The following ATRNL1 variants were observed in gnomAD, a reference collection of about 807,000 sequenced individuals.
ATRNL1 encodes attractin-like protein 1.
ATRNL1 carries 95 observed loss-of-function variants against 182.7 expected under a neutral mutation model. The observed-to-expected ratio is 0.52, with a 90% CI of 0.44 to 0.62. ATRNL1 has a LOEUF of 0.62. Among genes scored for constraint, ATRNL1 ranks in the 20% least tolerant of loss-of-function variants. The pLI, the probability that ATRNL1 is intolerant of heterozygous loss-of-function variation, is 0.00. For missense variants in ATRNL1, 1,471 were observed against 1,679.5 expected (o/e 0.88, Z 2.17); for synonymous variants, 576 against 568.3 (o/e 1.01, Z -0.19).
chr10:115,259,358 G>A (rs1210095326), intron 10 of ATRNL1, among the ~76,000 whole-genome samples: 3 of 151,296 alleles, frequency 2.0e-5, no homozygotes, highest in East Asian at 1.9e-4. Context: ...CCGCTGCCTC[G>A]CAGTTCAATC....
intron 10 of ATRNL1, among the ~76,000 whole-genome samples, chr10:115,247,433 A>C (rs1554904344): frequency 6.6e-6 from 1 of 152,250 alleles, no homozygotes; most frequent in East Asian, 1.9e-4. Flanking sequence ...CAACATGTTC[A>C]ACATCAGTAT....
chr10:115,764,771 C>A (rs1462936293), intron 27 of ATRNL1, among the ~76,000 whole-genome samples: 1 of 152,122 alleles, frequency 6.6e-6, no homozygotes, highest in Non-Finnish European at 1.5e-5. Flanking sequence ...CTCCCACATT[C>A]AAGCAATTCT....
intron 26 of ATRNL1, among the ~76,000 whole-genome samples, chr10:115,657,435 C>G (rs12766984): frequency 0.17 from 26,370 of 152,148 alleles, 2,892 homozygotes; most frequent in East Asian, 0.26. Context: ...GAAGGGAAGT[C>G]TTCTCTTAAA....
intron 10 of ATRNL1, among the ~76,000 whole-genome samples, chr10:115,257,597 G>A (rs1197687437): frequency 6.6e-6 from 1 of 152,108 alleles, no homozygotes; most frequent in African/African-American, 2.4e-5. Context: ...GGGGCATTTA[G>A]CCCATTTCCA....
At chr10:115,282,966 C>T (rs951574288) in intron 14 of ATRNL1, among the ~76,000 whole-genome samples, 7 of 152,000 alleles carry the variant, frequency 4.6e-5, no homozygotes, top group African/African-American at 1.7e-4. Context: ...TGCTATCCCT[C>T]CCCTAGCCCC....
chr10:115,332,826 T>C (rs1554935459), intron 18 of ATRNL1, among the ~76,000 whole-genome samples: 2 of 147,468 alleles, frequency 1.4e-5, no homozygotes, highest in Non-Finnish European at 2.9e-5. Flanking sequence ...TAATATCTGT[T>C]TTTTTTTTAC....
intron 26 of ATRNL1, among the ~76,000 whole-genome samples, chr10:115,663,611 C>T (rs562553570): frequency 4.2e-4 from 63 of 151,790 alleles, no homozygotes; most frequent in African/African-American, 1.4e-3. Context: ...GTATAATATA[C>T]GAAAAGTGTG....
intron 28 of ATRNL1, among the ~76,000 whole-genome samples, chr10:115,891,623 G>A (rs1007991653): frequency 2.6e-5 from 4 of 151,900 alleles, no homozygotes; most frequent in Middle Eastern, 3.2e-3. Flanking sequence ...ATTTTTCAAC[G>A]TCTTCTGTTT....
chr10:115,718,911 T>C (rs1947335420), intron 26 of ATRNL1, among the ~76,000 whole-genome samples: 1 of 152,154 alleles, frequency 6.6e-6, no homozygotes, highest in Admixed American at 6.5e-5. Flanking sequence ...TTTGCTGGCA[T>C]GGAGAAGCTT....
chr10:115,491,000 G>C (rs1040034115), intron 24 of ATRNL1, among the ~76,000 whole-genome samples: 6 of 152,070 alleles, frequency 3.9e-5, no homozygotes, highest in Admixed American at 3.9e-4. Flanking sequence ...TCTGCTGCAG[G>C]TCTCCTGGAA....
chr10:115,129,460 A>G lies in ATRNL1; in HGVS notation c.754A>G (p.Asn252Asp). 6.2e-7 allele frequency: 1 copy of G among 1,614,168 alleles called. No individual in the cohort carries two copies. The highest frequency in any genetic ancestry group is 1.1e-5 in the South Asian group (1 of 91,088). Residue 252 changes from asparagine to aspartate, a missense_variant, in exon 5 of 29, where the codon AAT (asparagine) becomes GAT (aspartate). Physicochemically the swap from Asn to Asp is conservative, Grantham distance 23. Around this residue, in one of 3 missense-constraint regions of ATRNL1, gnomAD observed 1,031 missense variants for 1,156.0 expected, o/e 0.89. Coordinates refer to ENST00000355044, the MANE Select transcript of ATRNL1 (RefSeq NM_207303.4). ...TTGTGATATTCCTTACTGTAAAGCC[A>G]ATTGCGGCAGTCCAGATCACGGTTA... Reference protein sequence around the residue: ...EACDIPYCKANCGSPDHGYCD... With the variant: ...EACDIPYCKADCGSPDHGYCD...
At chr10:115,933,129 G>A (rs1360247199) in intron 28 of ATRNL1, among the ~76,000 whole-genome samples, 1 of 152,192 alleles carries the variant, frequency 6.6e-6, no homozygotes, top group African/African-American at 2.4e-5. Flanking sequence ...CTTATGGTGG[G>A]ACTTCCAATT....
At chr10:115,795,549 A>C (rs1949632333) in intron 27 of ATRNL1, among the ~76,000 whole-genome samples, 1 of 152,148 alleles carries the variant, frequency 6.6e-6, no homozygotes, top group Non-Finnish European at 1.5e-5. Context: ...TATAAAGAAA[A>C]GAAGTTTAAT....
At chr10:115,886,373 G>T (rs1235033671) in intron 28 of ATRNL1, among the ~76,000 whole-genome samples, 1 of 152,168 alleles carries the variant, frequency 6.6e-6, no homozygotes, top group East Asian at 1.9e-4. Context: ...AATTAGCCGG[G>T]TGTGGTGGCG....
chr10:115,549,430 C>A, intron 25 of ATRNL1, 28 bp from the exon 26 acceptor site: 1 of 1,556,956 alleles, frequency 6.4e-7, no homozygotes, highest in Non-Finnish European at 8.7e-7. Flanking sequence ...AAGTTTTGAG[C>A]AAAAATTATT....
At chr10:115,327,297 A>G (rs1341363152) in intron 18 of ATRNL1, among the ~76,000 whole-genome samples, 5 of 150,654 alleles carry the variant, frequency 3.3e-5, no homozygotes, top group Admixed American at 2.0e-4. Context: ...ACACTTCTCA[A>G]AAGAAGACAT....
In ATRNL1 at chr10:115,302,035, C is replaced by T. The variant is rs112532829; in HGVS notation, c.2810C>T (p.Thr937Ile). 16 of 1,611,750 alleles carry T rather than the reference C, an allele frequency of 9.9e-6. No individual in the cohort carries two copies. The African/African-American group carries it at 1.7e-4, about 18-fold the overall frequency. ...CAATGTCTAGAGTGGCAAACTGCCA[C>T]CTGCTCCCGTAAGTATTTATCTAGA... ...YGQCLEWQTA[T>I]CSPQNCSGLR... The change falls in exon 17 of 29, where the codon ACC becomes ATC. Residue 937 changes from threonine (T) to isoleucine (I), a missense_variant. Thr to Ile is a moderately conservative substitution (Grantham distance 89). Around this residue, in one of 3 missense-constraint regions of ATRNL1, gnomAD observed 1,031 missense variants for 1,156.0 expected, o/e 0.89. Transcript: ENST00000355044.
At chr10:115,171,932 T>C (rs1244387277) in intron 8 of ATRNL1, among the ~76,000 whole-genome samples, 1 of 152,128 alleles carries the variant, frequency 6.6e-6, no homozygotes, top group Non-Finnish European at 1.5e-5. Context: ...TTTACAAATA[T>C]ATGCCCTATG....
At chr10:115,167,232 A>T (rs1847087023) in intron 7 of ATRNL1, among the ~76,000 whole-genome samples, 1 of 149,632 alleles carries the variant, frequency 6.7e-6, no homozygotes, top group African/African-American at 2.5e-5. Flanking sequence ...TTTTTTCTGG[A>T]CTCTCTATTT....
Sources: allele counts gnomAD v4.1 joint callset (sites outside exome capture counted in the v4.1 genomes callset), GRCh38; gene constraint gnomAD v4.1.1; regional missense constraint gnomAD v4.1.1; transcripts MANE v1.5; gene names NCBI Gene and HGNC (gene_info 2026-07-23, HGNC 2026-07-21).